Variants in NRXN3 observed in about 807,000 individuals in gnomAD.
NRXN3 encodes neurexin III.
Under a neutral mutation model 137.6 loss-of-function variants are expected in NRXN3, and 32 were observed. The ratio of observed to expected loss-of-function variants is 0.23; its 90% confidence interval spans 0.18 to 0.31. The LOEUF is 0.31. NRXN3 is among the 10% of genes least tolerant of loss of function. The pLI is 1.00. For synonymous variants in NRXN3, 798 were observed against 784.5 expected (o/e 1.02, Z -0.29); for missense variants, 1,574 against 2,062.5 (o/e 0.76, Z 4.59).
chr14:78,683,509 T>A (rs540193607), intron 6 of NRXN3, among the ~76,000 whole-genome samples: 179 of 152,276 alleles, frequency 1.2e-3, no homozygotes, highest in Admixed American at 1.9e-3. Flanking sequence ...CCTATTCCGC[T>A]ACAGAGTGCC....
At chr14:78,358,064 G>C (rs977614896) in intron 4 of NRXN3, among the ~76,000 whole-genome samples, 11 of 152,164 alleles carry the variant, frequency 7.2e-5, no homozygotes, top group African/African-American at 2.7e-4. Context: ...CAGAAAACAT[G>C]AGTTCCAGTC....
At chr14:78,462,947 C>T (rs1465702663) in intron 4 of NRXN3, among the ~76,000 whole-genome samples, 1 of 152,112 alleles carries the variant, frequency 6.6e-6, no homozygotes, top group Non-Finnish European at 1.5e-5. Context: ...GTATCCATCA[C>T]CTGAACAGTG....
intron 15 of NRXN3, among the ~76,000 whole-genome samples, chr14:79,208,586 T>G (rs1416685050): frequency 6.6e-6 from 1 of 152,202 alleles, no homozygotes; most frequent in Non-Finnish European, 1.5e-5. Flanking sequence ...ATATTCATAA[T>G]AGCAACTGAC....
intron 4 of NRXN3, among the ~76,000 whole-genome samples, chr14:78,471,312 ACACACACACACACACACACACC>A (rs1320485380): frequency 2.4e-4 from 17 of 69,684 alleles, no homozygotes; most frequent in African/African-American, 7.1e-4. Flanking sequence ...ACACACACAC[ACACACACACACACACACACACC>A]CCCAAGAAAT....
Position 78,297,819 on chromosome 14 carries a change from T to G in NRXN3, c.728-12T>G, listed in dbSNP as rs1004692693. On this transcript the variant is annotated splice_polypyrimidine_tract_variant and intron_variant, in intron 3 of 20. Transcript: ENST00000335750. ...CACTCCTCTTCCCTTTCTCCCTGTT[T>G]CTCTTCCTCAGGCCTCTCCCACCTC... 4 of 1,532,870 alleles carry G rather than the reference T, an allele frequency of 2.6e-6. No homozygotes were observed. The highest frequency in any genetic ancestry group is 3.5e-6 in the Non-Finnish European group (4 of 1,143,834). The allele number at this position is 1,532,870 out of a possible 1,614,324, so 95.0% of individuals were successfully genotyped here.
chr14:78,523,839 A>C (rs1027889515), intron 4 of NRXN3, among the ~76,000 whole-genome samples: 1 of 131,282 alleles, frequency 7.6e-6, no homozygotes, highest in Admixed American at 8.1e-5. Context: ...AAAAAAAAAA[A>C]AAAAAAGAAT....
At position 78,943,621 on chromosome 14, in the gene NRXN3, AATATATATATATATATATAT is replaced by A. The variant is rs60429358; in HGVS notation, c.2276-13582_2276-13563del. On this transcript the variant is annotated intron_variant, in intron 10 of 20. Coordinates refer to ENST00000335750, the MANE Select transcript of NRXN3 (RefSeq NM_001330195.2). ...AGCAAGATCACTGTTAAAAAAAAAA[AATATATATATATATATATAT>A]ATATATATATATATATATATATATA... Among the ~76,000 whole-genome samples, 96 of 27,876 alleles carry A rather than the reference AATATATATATATATATATAT, an allele frequency of 3.4e-3. 1 individual carries two copies. Among genetic ancestry groups the A allele is most frequent in the East Asian group, 4.6e-3 (3 of 650 alleles). The allele number at this position is 27,876 out of a possible 152,430, so 18.3% of individuals were successfully genotyped here. A position where few individuals can be genotyped will look rare whatever the true frequency, so the allele number is the denominator to read the frequency against.
chr14:78,560,348 G>A (rs920547511), intron 4 of NRXN3, among the ~76,000 whole-genome samples: 1 of 152,120 alleles, frequency 6.6e-6, no homozygotes. Flanking sequence ...CTTCTGGTTG[G>A]GATTGGGAAG....
At chr14:78,808,791 G>A (rs956110435) in intron 9 of NRXN3, among the ~76,000 whole-genome samples, 18 of 152,030 alleles carry the variant, frequency 1.2e-4, no homozygotes, top group African/African-American at 3.6e-4. Context: ...CAGATTTCAC[G>A]TAGCTTCATT....
At chr14:78,817,704 A>G (rs1477796000) in intron 10 of NRXN3, among the ~76,000 whole-genome samples, 1 of 151,746 alleles carries the variant, frequency 6.6e-6, no homozygotes, top group East Asian at 1.9e-4. Context: ...AAGAATATAG[A>G]CTCTTTTTAA....
intron 7 of NRXN3, among the ~76,000 whole-genome samples, chr14:78,712,205 C>T (rs2098412467): frequency 6.6e-6 from 1 of 152,088 alleles, no homozygotes. Flanking sequence ...CAGATTAGCC[C>T]TGTGGACCTG....
At chr14:78,899,319 G>T (rs1010287318) in intron 10 of NRXN3, among the ~76,000 whole-genome samples, 2 of 151,946 alleles carry the variant, frequency 1.3e-5, no homozygotes, top group African/African-American at 4.8e-5. Context: ...TGGGAGCCTT[G>T]TGTTCTGGTT....
At chr14:79,143,768 A>AT (rs752510518) in intron 15 of NRXN3, among the ~76,000 whole-genome samples, 2 of 152,116 alleles carry the variant, frequency 1.3e-5, no homozygotes, top group African/African-American at 4.8e-5. Context: ...AAAAAGTAAT[A>AT]TTTTTTCTCC....
At chr14:78,386,749 A>G (rs146567353) in intron 4 of NRXN3, among the ~76,000 whole-genome samples, 10 of 152,010 alleles carry the variant, frequency 6.6e-5, no homozygotes, top group Admixed American at 2.0e-4. Context: ...CTCCTTAGCT[A>G]TGTTGATCAG....
rs898620355 is a variant in NRXN3 at position 79,324,232 on chromosome 14, C to G, written c.3263-142989C>G. ...GAGCCGTTTAGTAAAGGAAATGATT[C>G]TGTGAAAATTTTAGATTTGATAACT... On this transcript the variant is annotated intron_variant, in intron 15 of 20. Coordinates refer to ENST00000335750, the MANE Select transcript of NRXN3 (RefSeq NM_001330195.2). Among the ~76,000 whole-genome samples, 3 of 152,288 alleles carry G rather than the reference C, an allele frequency of 2.0e-5. No homozygotes were observed. The East Asian group carries it at 5.8e-4, about 29-fold the overall frequency.
At chr14:79,834,956 C>G (rs1376283208) in intron 20 of NRXN3, among the ~76,000 whole-genome samples, 1 of 152,094 alleles carries the variant, frequency 6.6e-6, no homozygotes, top group Non-Finnish European at 1.5e-5. Context: ...CCCGCCACCC[C>G]AACCCTAATA....
At chr14:78,899,480 G>T (rs2152735915) in intron 10 of NRXN3, among the ~76,000 whole-genome samples, 1 of 152,024 alleles carries the variant, frequency 6.6e-6, no homozygotes, top group South Asian at 2.1e-4. Context: ...AGATTTTGTT[G>T]TTTTGTGTGT....
chr14:78,774,459 C>T (rs1321273277), intron 8 of NRXN3, among the ~76,000 whole-genome samples: 1 of 152,186 alleles, frequency 6.6e-6, no homozygotes, highest in Non-Finnish European at 1.5e-5. Flanking sequence ...CTTAAATATT[C>T]TAAGTGTATC....
Position 78,837,835 on chromosome 14 carries a change from T to C in NRXN3, c.2275+27491T>C, listed in dbSNP as rs569379734. Among the ~76,000 whole-genome samples the C allele has an allele frequency of 2.6e-5, 4 of 152,304 alleles. No homozygotes were observed. In the South Asian group the frequency reaches 8.3e-4, roughly 32 times the overall value. On this transcript the variant is annotated intron_variant, in intron 10 of 20. Coordinates refer to ENST00000335750, the MANE Select transcript of NRXN3 (RefSeq NM_001330195.2). ...TACAGTGTTCCAGAAAACATATTGG[T>C]GTAGATGCAAAATCTTGCCTTCATA...
Sources: allele counts gnomAD v4.1 joint callset (sites outside exome capture counted in the v4.1 genomes callset), GRCh38; gene constraint gnomAD v4.1.1; transcripts MANE v1.5; gene names NCBI Gene and HGNC (gene_info 2026-07-23, HGNC 2026-07-21).